SNX29: variants seen among roughly 807,000 people sequenced by gnomAD.
The protein encoded by SNX29 is sorting nexin-29.
A neutral mutation model predicts 102.1 loss-of-function variants in SNX29; 78 were observed. The observed-to-expected ratio is 0.76, with a 90% CI of 0.64 to 0.92. The LOEUF (loss-of-function observed/expected upper bound fraction) is 0.92, where lower values mean the gene tolerates loss of function less well. Among genes scored for constraint, SNX29 ranks in the 40% least tolerant of loss-of-function variants. The pLI is 0.00. For missense variants in SNX29, 1,280 were observed against 1,061.7 expected, an observed-to-expected ratio of 1.21 and a Z score of -2.86; for synonymous variants, 580 against 414.5, an observed-to-expected ratio of 1.40 and a Z score of -4.85.
intron 18 of SNX29, among the ~76,000 whole-genome samples, chr16:12,434,264 C>T (rs988013819): frequency 6.6e-6 from 1 of 152,142 alleles, no homozygotes; most frequent in Non-Finnish European, 1.5e-5. Context: ...TCATTATTGA[C>T]CAGAGTGTGT....
rs1286174976 is a variant in SNX29 at position 12,118,313 on chromosome 16, C to CTTTCTTTTT, written c.1403-8317_1403-8316insCTTTTTTTT. 1.0e-4 allele frequency among the ~76,000 whole-genome samples: 9 copies of CTTTCTTTTT among 86,122 alleles called. No homozygotes were observed. The East Asian group carries it at 1.6e-3, about 15-fold the overall frequency. 56.5% of individuals were successfully genotyped at this position (86,122 alleles called of 152,430 possible). ...TGTAGATAGTAGATATACAGACCACCTTTTTTTTTTTTTTTTTTTTTTTAT... is the reference window on the plus strand; with the variant it reads ...TGTAGATAGTAGATATACAGACCACCTTTCTTTTTTTTTTTTTTTTTTTTTTTTTTTTAT... On this transcript the variant is annotated intron_variant, in intron 11 of 20. Coordinates refer to ENST00000566228, the MANE Select transcript of SNX29 (RefSeq NM_032167.5).
chr16:12,495,376 G>T (rs912062992), intron 19 of SNX29, among the ~76,000 whole-genome samples: 3 of 151,994 alleles, frequency 2.0e-5, no homozygotes, highest in Admixed American at 2.0e-4. Flanking sequence ...TCGAACTCCT[G>T]ACCTCAAGTG....
intron 19 of SNX29, among the ~76,000 whole-genome samples, chr16:12,500,661 T>C (rs180720658): frequency 2.6e-4 from 39 of 152,376 alleles, no homozygotes; most frequent in East Asian, 3.9e-4. Context: ...TCTTACCACT[T>C]AAAATGTGGT....
chr16:12,489,695 C>G (rs978074046), intron 19 of SNX29, among the ~76,000 whole-genome samples: 7 of 152,204 alleles, frequency 4.6e-5, no homozygotes, highest in African/African-American at 1.7e-4. Context: ...CATTTGATTT[C>G]TTTTCTTTTG....
At chr16:12,097,870 CG>C (rs978429815) in intron 11 of SNX29, among the ~76,000 whole-genome samples, 1 of 152,040 alleles carries the variant, frequency 6.6e-6, no homozygotes, top group Non-Finnish European at 1.5e-5. Flanking sequence ...AGTTGGAAGG[CG>C]GGGGTGGTGG....
intron 20 of SNX29, among the ~76,000 whole-genome samples, chr16:12,548,444 T>C (rs2077747865): frequency 6.6e-6 from 1 of 152,208 alleles, no homozygotes; most frequent in Non-Finnish European, 1.5e-5. Context: ...CCCTGTACCA[T>C]GGCATCTGTG....
chr16:12,461,978 A>AAAATATATATATAT (rs1555544501), intron 18 of SNX29, among the ~76,000 whole-genome samples: 1 of 27,352 alleles, frequency 3.7e-5, no homozygotes, highest in Non-Finnish European at 6.3e-5. Flanking sequence ...AAAAAAAAAA[A>AAAATATATATATAT]ATATATATAT....
At chr16:12,222,462 C>T (rs2077502635) in intron 14 of SNX29, among the ~76,000 whole-genome samples, 1 of 152,164 alleles carries the variant, frequency 6.6e-6, no homozygotes, top group South Asian at 2.1e-4. Context: ...ATGTTTACAT[C>T]GAATGGACAT....
At chr16:12,547,785 C>T (rs188217302) in intron 20 of SNX29, among the ~76,000 whole-genome samples, 14 of 152,276 alleles carry the variant, frequency 9.2e-5, no homozygotes, top group African/African-American at 3.1e-4. Flanking sequence ...GCCTGGCTAC[C>T]GAACAGAATG....
At chr16:12,483,287 G>T (rs2088057403) in intron 19 of SNX29, among the ~76,000 whole-genome samples, 1 of 149,710 alleles carries the variant, frequency 6.7e-6, no homozygotes, top group Non-Finnish European at 1.5e-5. Context: ...GAGATTACAG[G>T]TGTGAGCCAC....
At chr16:12,215,091 C>T (rs7196149) in intron 14 of SNX29, among the ~76,000 whole-genome samples, 19,325 of 152,040 alleles carry the variant, frequency 0.13, 2,148 homozygotes, top group South Asian at 0.29. Flanking sequence ...TAATAATAGC[C>T]AACATGCATT....
At chr16:12,527,115 C>G (rs2076805639) in intron 20 of SNX29, 3 of 469,132 alleles carry the variant, frequency 6.4e-6, no homozygotes, top group Non-Finnish European at 1.2e-5. Flanking sequence ...AGCTCTTTGG[C>G]TTTCCTCACT....
At chr16:12,325,128 C>G (rs1424845693) in intron 15 of SNX29, among the ~76,000 whole-genome samples, 1 of 152,152 alleles carries the variant, frequency 6.6e-6, no homozygotes, top group Non-Finnish European at 1.5e-5. Flanking sequence ...AGCAATGTAT[C>G]CCATCTCTAC....
chr16:11,990,150 C>T (rs546946346), intron 1 of SNX29, among the ~76,000 whole-genome samples: 5 of 152,298 alleles, frequency 3.3e-5, no homozygotes, highest in African/African-American at 1.2e-4. Context: ...CTCAGTATGG[C>T]GGATTGGTGG....
chr16:12,507,430 A>G (rs1388997248), intron 19 of SNX29, among the ~76,000 whole-genome samples: 2 of 152,218 alleles, frequency 1.3e-5, no homozygotes, highest in South Asian at 2.1e-4. Context: ...TCCGTTTTCC[A>G]TACATGTTGG....
At chr16:12,153,420 A>C (rs532049758) in intron 13 of SNX29, among the ~76,000 whole-genome samples, 1 of 151,196 alleles carries the variant, frequency 6.6e-6, no homozygotes, top group South Asian at 2.1e-4. Context: ...AGATCCCCCC[A>C]TGTTTTTTCT....
In SNX29 at chr16:12,048,487, C is replaced by T. The variant is rs751915301; in HGVS notation, c.615C>T (p.Ser205=). Residue 205 remains serine, a synonymous_variant, in exon 7 of 21, where the codon TCC becomes TCT. Coordinates refer to ENST00000566228, the MANE Select transcript of SNX29 (RefSeq NM_032167.5). ...AGGAGTCAACGCAGAACGTGACCTC[C>T]TTGCTGAAGGAGTCCACGCAAGGAG... The part of the protein sequence containing the change: ...LLKESTQNVT[S]LLKESTQGVS... 3 of 1,613,784 alleles carry T rather than the reference C, an allele frequency of 1.9e-6. No individual in the cohort carries two copies. Among genetic ancestry groups the T allele is most frequent in the Admixed American group, 1.7e-5 (1 of 59,988 alleles).
At chr16:12,393,536 C>T (rs143380996) in intron 16 of SNX29, among the ~76,000 whole-genome samples, 1 of 151,508 alleles carries the variant, frequency 6.6e-6, no homozygotes, top group Non-Finnish European at 1.5e-5. Flanking sequence ...TCTCTGAGCT[C>T]ACAAGGAGGG....
intron 20 of SNX29, among the ~76,000 whole-genome samples, chr16:12,553,983 T>C (rs1415235012): frequency 1.3e-5 from 2 of 151,938 alleles, no homozygotes; most frequent in African/African-American, 4.8e-5. Context: ...ATCCACCACA[T>C]TTGGCTAATT....
Sources: allele counts gnomAD v4.1 joint callset (sites outside exome capture counted in the v4.1 genomes callset), GRCh38; gene constraint gnomAD v4.1.1; transcripts MANE v1.5; gene names NCBI Gene and HGNC (gene_info 2026-07-23, HGNC 2026-07-21).